The following CDYL variants were observed in gnomAD, a reference collection of about 807,000 sequenced individuals.
The protein encoded by CDYL is chromodomain Y like.
In CDYL, 8 loss-of-function variants were observed where a neutral mutation model predicts 47.3. That is an observed-to-expected ratio of 0.17 (90% confidence interval 0.10 to 0.31). CDYL has a LOEUF of 0.31. Among genes scored for constraint, CDYL ranks in the 10% least tolerant of loss-of-function variants. The pLI, the probability that CDYL is intolerant of heterozygous loss-of-function variation, is 1.00. For missense variants in CDYL, 471 were observed against 701.4 expected, an observed-to-expected ratio of 0.67 and a Z score of 3.71; for synonymous variants, 266 against 265.0, an observed-to-expected ratio of 1.00 and a Z score of -0.04.
intron 1 of CDYL, among the ~76,000 whole-genome samples, chr6:4,804,390 T>G (rs1187038723): frequency 2.0e-5 from 3 of 152,198 alleles, no homozygotes; most frequent in Non-Finnish European, 2.9e-5. Flanking sequence ...GTCACCACTT[T>G]TAGAGCTGAA....
intron 2 of CDYL, chr6:4,724,583 C>G (rs1757455745): frequency 6.6e-6 from 1 of 152,426 alleles, no homozygotes; most frequent in African/African-American, 2.4e-5. Flanking sequence ...GTTCCTTCTG[C>G]TGCTCGGATG....
At chr6:4,825,113 C>T (rs980155210) in intron 1 of CDYL, among the ~76,000 whole-genome samples, 15 of 152,108 alleles carry the variant, frequency 9.9e-5, no homozygotes, top group Non-Finnish European at 2.1e-4. Flanking sequence ...TCAGGTGATC[C>T]GCCAGCCTCG....
intron 1 of CDYL, among the ~76,000 whole-genome samples, chr6:4,803,938 T>A (rs1044299098): frequency 6.6e-6 from 1 of 151,984 alleles, no homozygotes. Flanking sequence ...TTTAAAACTT[T>A]TCTTTTTAAA....
At position 4,813,799 on chromosome 6, in the gene CDYL, A is replaced by C. The variant is rs1296173446; in HGVS notation, c.24+36992A>C. ...TTTTTCTGTTTTTTTTCAAGACAGGATCTTGCTCTGTAGCCCAGGCTGGAA... is the reference window on the plus strand; with the variant it reads ...TTTTTCTGTTTTTTTTCAAGACAGGCTCTTGCTCTGTAGCCCAGGCTGGAA... On this transcript the variant is annotated intron_variant, in intron 1 of 6. Coordinates refer to ENST00000397588, the MANE Select transcript of CDYL (RefSeq NM_004824.4). 2.0e-5 allele frequency among the ~76,000 whole-genome samples: 3 copies of C among 151,638 alleles called. No individual in the cohort carries two copies. In the South Asian group the frequency reaches 6.3e-4, roughly 32 times the overall value.
chr6:4,790,161 A>G (rs768508200), intron 1 of CDYL, among the ~76,000 whole-genome samples: 1 of 152,186 alleles, frequency 6.6e-6, no homozygotes, highest in Non-Finnish European at 1.5e-5. Context: ...GCAAGAAGCT[A>G]TTTACTCTTT....
chr6:4,912,313 A>G (rs1331788309), intron 2 of CDYL, among the ~76,000 whole-genome samples: 1 of 152,178 alleles, frequency 6.6e-6, no homozygotes, highest in African/African-American at 2.4e-5. Flanking sequence ...TCCTGGGAGT[A>G]ATAGGATAAC....
chr6:4,890,613 C>T (rs756776468), intron 1 of CDYL, among the ~76,000 whole-genome samples: 2 of 152,140 alleles, frequency 1.3e-5, no homozygotes, highest in African/African-American at 2.4e-5. Flanking sequence ...GGTATTCTCC[C>T]GTTCTCTACG....
At chr6:4,909,216 C>T (rs1757332204) in intron 2 of CDYL, among the ~76,000 whole-genome samples, 1 of 152,200 alleles carries the variant, frequency 6.6e-6, no homozygotes, top group East Asian at 1.9e-4. Flanking sequence ...CATGTCATTA[C>T]TAAGCCCTGT....
At chr6:4,852,495 TCTTCCTTC>T in intron 1 of CDYL, among the ~76,000 whole-genome samples, 1 of 100,300 alleles carries the variant, frequency 1.0e-5, no homozygotes, top group South Asian at 3.9e-4. Flanking sequence ...TTCCTTCCAA[TCTTCCTTC>T]CTTCCTTCCA....
At chr6:4,767,390 T>C (rs1269432269) in intron 3 of CDYL, among the ~76,000 whole-genome samples, 1 of 151,920 alleles carries the variant, frequency 6.6e-6, no homozygotes, top group Non-Finnish European at 1.5e-5. Context: ...CTGCCCAACA[T>C]GGTGAAACCC....
chr6:4,930,528 A>G (rs1044357227), intron 2 of CDYL, among the ~76,000 whole-genome samples: 2 of 152,130 alleles, frequency 1.3e-5, no homozygotes, highest in African/African-American at 4.8e-5. Flanking sequence ...CACTCTGGGA[A>G]CATTGCCCTG....
chr6:4,918,372 C>T (rs1469798507), intron 2 of CDYL, among the ~76,000 whole-genome samples: 1 of 150,050 alleles, frequency 6.7e-6, no homozygotes, highest in East Asian at 2.0e-4. Flanking sequence ...ATGTTCTGCC[C>T]CCCCCCCTTT....
chr6:4,745,550 T>C (rs1195464757), intron 3 of CDYL, among the ~76,000 whole-genome samples: 1 of 151,196 alleles, frequency 6.6e-6, no homozygotes, highest in Non-Finnish European at 1.5e-5. Context: ...GAGACCAGCC[T>C]GGCCAACATA....
At chr6:4,726,469 T>A (rs1757514765) in intron 2 of CDYL, among the ~76,000 whole-genome samples, 1 of 150,338 alleles carries the variant, frequency 6.7e-6, no homozygotes, top group Admixed American at 6.7e-5. Flanking sequence ...GAGGCAGACG[T>A]TGCAGTAAGC....
intron 1 of CDYL, among the ~76,000 whole-genome samples, chr6:4,835,341 G>A (rs1267495093): frequency 6.6e-6 from 1 of 152,204 alleles, no homozygotes; most frequent in Non-Finnish European, 1.5e-5. Flanking sequence ...GTCCACTCCA[G>A]ACCCTGTTTG....
At chr6:4,853,035 C>T (rs1282738045) in intron 1 of CDYL, among the ~76,000 whole-genome samples, 4 of 152,160 alleles carry the variant, frequency 2.6e-5, no homozygotes, top group Non-Finnish European at 4.4e-5. Context: ...AGTGGTCCTC[C>T]TCTTGGGCCT....
intron 2 of CDYL, among the ~76,000 whole-genome samples, chr6:4,733,522 T>C (rs2326534): frequency 0.25 from 38,482 of 151,888 alleles, 5,184 homozygotes; most frequent in African/African-American, 0.33. Context: ...TTGTTTGGTG[T>C]ACACCATGAA....
intron 2 of CDYL, among the ~76,000 whole-genome samples, chr6:4,909,919 C>A (rs1757359092): frequency 6.6e-6 from 1 of 152,092 alleles, no homozygotes; most frequent in Non-Finnish European, 1.5e-5. Flanking sequence ...TTGGGGCTGG[C>A]CTTTCATTGC....
chr6:4,950,573 G>C (rs1303441444), intron 5 of CDYL, among the ~76,000 whole-genome samples: 1 of 152,174 alleles, frequency 6.6e-6, no homozygotes, highest in Admixed American at 6.5e-5. Flanking sequence ...TAAATCCACT[G>C]TTTATGGACC....
Sources: allele counts gnomAD v4.1 joint callset (sites outside exome capture counted in the v4.1 genomes callset), GRCh38; gene constraint gnomAD v4.1.1; transcripts MANE v1.5; gene names NCBI Gene and HGNC (gene_info 2026-07-23, HGNC 2026-07-21).